The following PREPL variants were observed in gnomAD, a reference collection of about 807,000 sequenced individuals.
PREPL encodes the protein prolyl endopeptidase like.
A neutral mutation model predicts 70.6 loss-of-function variants in PREPL; 77 were observed. The ratio of observed to expected loss-of-function variants is 1.09; its 90% confidence interval spans 0.91 to 1.32. PREPL has a LOEUF of 1.32. Among genes scored for constraint, PREPL ranks in the 40% most tolerant of loss-of-function variants. The probability of loss-of-function intolerance (pLI) is 0.00; values close to 1 mark genes in which losing one functional copy is unlikely to be tolerated. For synonymous variants in PREPL, 315 were observed against 264.8 expected, an observed-to-expected ratio of 1.19 and a Z score of -1.84; for missense variants, 1,002 against 778.2, an observed-to-expected ratio of 1.29 and a Z score of -3.42.
intron 7 of PREPL, among the ~76,000 whole-genome samples, chr2:44,336,150 C>T (rs563861564): frequency 6.6e-6 from 1 of 152,206 alleles, no homozygotes; most frequent in African/African-American, 2.4e-5. Context: ...GGGAATTTCT[C>T]AAAGAATGTA....
chr2:44,339,156 T>A lies in PREPL; in HGVS notation c.693A>T (p.Thr231=), dbSNP rs1235025247. ...LYILTNVGEP[T]EFKLMRTAAD... is the part of the protein sequence containing the mutation. Reference sequence around the variant, plus strand: ...GAGCATCCAGGATTACCTTAAATTCTGTAGGTTCTCCAACATTAGTGAGAA... The same window carrying A: ...GAGCATCCAGGATTACCTTAAATTCAGTAGGTTCTCCAACATTAGTGAGAA... The change falls in exon 6 of 14, where the codon ACA becomes ACT. Residue 231 remains threonine, a synonymous_variant. Coordinates refer to ENST00000409411, the MANE Select transcript of PREPL (RefSeq NM_001171613.2). The A allele has an allele frequency of 1.2e-6, 2 of 1,613,866 alleles. No homozygotes were observed. The highest frequency in any genetic ancestry group is 2.7e-5 in the African/African-American group (2 of 74,920).
At position 44,326,926 on chromosome 2, in the gene PREPL, C is replaced by A; in HGVS notation, c.1265G>T (p.Gly422Val). The A allele has an allele frequency of 6.2e-7, 1 of 1,613,860 alleles. No individual in the cohort carries two copies. Among genetic ancestry groups the A allele is most frequent in the Non-Finnish European group, 8.5e-7 (1 of 1,179,876 alleles). Reference sequence around the variant, plus strand: ...CCACTGGAGGCCTAACTCACCACCACCTCTGAAATTGAAGGGCAAAAAAGT... The same window carrying A: ...CCACTGGAGGCCTAACTCACCACCAACTCTGAAATTGAAGGGCAAAAAAGT... Reference protein sequence around the residue: ...GWILAYCHVRGGGELGLQWHA... With the variant: ...GWILAYCHVRVGGELGLQWHA... Residue 422 changes from glycine (G) to valine (V), a missense_variant and splice_region_variant, in exon 10 of 14, where the codon GGT becomes GTT. Physicochemically the swap from Gly to Val is moderately radical, Grantham distance 109. Transcript: ENST00000409411.
chr2:44,343,753 G>C lies in PREPL; in HGVS notation c.341C>G (p.Ser114Cys), dbSNP rs547248696. 6.2e-7 allele frequency: 1 copy of C among 1,612,996 alleles called. No homozygotes were observed. Among genetic ancestry groups the C allele is most frequent in the Admixed American group, 1.7e-5 (1 of 60,014 alleles). The change falls in exon 4 of 14, where the codon TCC becomes TGC. Residue 114 changes from serine to cysteine, a missense_variant. Transcript: ENST00000409411. ...PVMEASFPNVSSFEWVKDEED... is the reference protein window; with the variant it reads ...PVMEASFPNVCSFEWVKDEED... ...TTTGGTTGGTGGCTTACCAAAACTG[G>C]ACACATTCGGGAAAGAAGCTTCCAT...
intron 1 of PREPL, chr2:44,359,386 A>C (rs946068045): frequency 1.1e-6 from 1 of 880,004 alleles, no homozygotes; most frequent in African/African-American, 1.7e-5. Context: ...TAGAAAAATC[A>C]AGTTAGAATT....
chr2:44,327,045 T>G, intron 9 of PREPL, 117 bp from the exon 10 acceptor site: 1 of 854,796 alleles, frequency 1.2e-6, no homozygotes, highest in Non-Finnish European at 1.9e-6. Flanking sequence ...TAAGACTGGT[T>G]TTTGCTTTTT....
chr2:44,318,912 A>G lies in PREPL; in HGVS notation c.*2444T>C, dbSNP rs1032094612. ...AGCTTCAAAATATAGAAAATACTCAAATGCAAAATCAACAAATCTGCAATT... is the reference window on the plus strand; with the variant it reads ...AGCTTCAAAATATAGAAAATACTCAGATGCAAAATCAACAAATCTGCAATT... On this transcript the variant is annotated 3_prime_UTR_variant, in exon 14 of 14. Coordinates refer to ENST00000409411, the MANE Select transcript of PREPL (RefSeq NM_001171613.2). The G allele has an allele frequency of 6.6e-6, 1 of 152,206 alleles. No individual in the cohort carries two copies. Among genetic ancestry groups the G allele is most frequent in the African/African-American group, 2.4e-5 (1 of 41,446 alleles). The allele number at this position is 152,206 out of a possible 1,614,324, so 9.4% of individuals were successfully genotyped here.
intron 1 of PREPL, chr2:44,359,424 C>G: frequency 8.8e-7 from 1 of 1,141,058 alleles, no homozygotes; most frequent in East Asian, 2.4e-5. Flanking sequence ...CTCTGATATT[C>G]TACCCATTCT....
At chr2:44,349,936 G>T (rs764343223) in intron 1 of PREPL, among the ~76,000 whole-genome samples, 6 of 152,058 alleles carry the variant, frequency 3.9e-5, no homozygotes, top group Non-Finnish European at 8.8e-5. Flanking sequence ...AACTCTTAAA[G>T]AAATTAAATT....
chr2:44,350,348 A>C (rs904178249), intron 1 of PREPL, among the ~76,000 whole-genome samples: 1 of 152,162 alleles, frequency 6.6e-6, no homozygotes, highest in African/African-American at 2.4e-5. Context: ...TAAATCTTAG[A>C]GCCATTTTTG....
rs1672777565 is a variant in PREPL, at chr2:44,319,892, G to C, written c.*1464C>G. ...CTATGCAAGTTAAATATTCATCTTA[G>C]ACATGGACATTTGCTTTGGGACTCC... On this transcript the variant is annotated 3_prime_UTR_variant, in exon 14 of 14. Transcript: ENST00000409411. The C allele has an allele frequency of 3.1e-6, 1 of 319,466 alleles. No homozygotes were observed. Among genetic ancestry groups the C allele is most frequent in the African/African-American group, 2.2e-5 (1 of 46,284 alleles). The allele number at this position is 319,466 out of a possible 1,614,324, so 19.8% of individuals were successfully genotyped here.
At chr2:44,353,809 C>G (rs1382428061) in intron 1 of PREPL, among the ~76,000 whole-genome samples, 1 of 151,936 alleles carries the variant, frequency 6.6e-6, no homozygotes, top group Non-Finnish European at 1.5e-5. Flanking sequence ...TGGATATCCA[C>G]AAGCAAAATA....
Position 44,325,131 on chromosome 2 carries a change from G to A in PREPL, c.1479+1581C>T, listed in dbSNP as rs533165134. Among the ~76,000 whole-genome samples the A allele has an allele frequency of 4.6e-5, 7 of 152,290 alleles. No homozygotes were observed. In the South Asian group the frequency reaches 1.4e-3, roughly 32 times the overall value. Reference sequence around the variant, plus strand: ...TCAGCTAGAGCCTGCCTCTCACTGTGGAGATACTAAGTGCTAGACTTCTCT... The same window carrying A: ...TCAGCTAGAGCCTGCCTCTCACTGTAGAGATACTAAGTGCTAGACTTCTCT... On this transcript the variant is annotated intron_variant, in intron 10 of 13. Transcript: ENST00000409411.
intron 1 of PREPL, among the ~76,000 whole-genome samples, chr2:44,355,155 A>T (rs902893109): frequency 1.3e-5 from 2 of 152,236 alleles, no homozygotes; most frequent in African/African-American, 4.8e-5. Context: ...CAGTTAAAAA[A>T]AATCATTTGT....
At chr2:44,343,720 A>G (rs780916607) in intron 4 of PREPL, 25 bp downstream of exon 4, 1 of 1,584,816 alleles carries the variant, frequency 6.3e-7, no homozygotes, top group African/African-American at 1.3e-5. Flanking sequence ...TTCAACACAG[A>G]GGACTATTTT....
At chr2:44,340,009 A>G (rs747983091) in intron 5 of PREPL, among the ~76,000 whole-genome samples, 6 of 152,038 alleles carry the variant, frequency 3.9e-5, no homozygotes, top group Non-Finnish European at 7.4e-5. Flanking sequence ...AGTTATATTT[A>G]TATTTCATGT....
intron 1 of PREPL, among the ~76,000 whole-genome samples, chr2:44,346,616 AT>A (rs1675857550): frequency 6.6e-6 from 1 of 152,194 alleles, no homozygotes; most frequent in Admixed American, 6.5e-5. Flanking sequence ...TTTGATGGTT[AT>A]ACTATTATTT....
At chr2:44,338,820 C>T (rs1241196923) in intron 6 of PREPL, among the ~76,000 whole-genome samples, 1 of 152,164 alleles carries the variant, frequency 6.6e-6, no homozygotes, top group African/African-American at 2.4e-5. Flanking sequence ...GTGAGCTTAG[C>T]TGATATCAGC....
chr2:44,323,179 T>C (rs1673152691), intron 11 of PREPL, 83 bp downstream of exon 11: 4 of 1,334,838 alleles, frequency 3.0e-6, no homozygotes, highest in Non-Finnish European at 4.1e-6. Context: ...AAAGCTCCTA[T>C]TTTTGCTTCA....
At chr2:44,347,623 A>G (rs1017370693) in intron 1 of PREPL, among the ~76,000 whole-genome samples, 3 of 152,220 alleles carry the variant, frequency 2.0e-5, no homozygotes, top group Admixed American at 2.0e-4. Flanking sequence ...AAACTGTTTA[A>G]TAATTCAACA....
Sources: gnomAD v4.1 joint callset for allele counts (sites outside exome capture counted in the v4.1 genomes callset) on GRCh38, gnomAD v4.1.1 for gene constraint, MANE v1.5 for transcripts, NCBI Gene and HGNC (gene_info 2026-07-23, HGNC 2026-07-21) for gene names.